The following DRG1 variants were observed in gnomAD, a reference collection of about 807,000 sequenced individuals.
DRG1 encodes the protein developmentally-regulated GTP-binding protein 1.
A neutral mutation model predicts 38.8 loss-of-function variants in DRG1; 19 were observed. The ratio of observed to expected loss-of-function variants is 0.49; its 90% CI spans 0.34 to 0.72. The LOEUF (loss-of-function observed/expected upper bound fraction) is 0.72. DRG1 is among the 30% of genes least tolerant of loss of function. The probability of loss-of-function intolerance (pLI) is 0.01; values close to 1 mark genes in which losing one functional copy is unlikely to be tolerated. For synonymous variants in DRG1, 167 were observed against 157.5 expected, an observed-to-expected ratio of 1.06 and a Z score of -0.45; for missense variants, 299 against 444.8, an observed-to-expected ratio of 0.67 and a Z score of 2.95.
intron 5 of DRG1, 114 bp downstream of exon 5, chr22:31,420,539 G>T (rs2050071307): frequency 2.1e-5 from 27 of 1,262,358 alleles, no homozygotes; most frequent in Non-Finnish European, 2.9e-5. Context: ...TGCACTAATT[G>T]AGATAACACA....
chr22:31,400,406 T>G (rs773003131), intron 1 of DRG1, among the ~76,000 whole-genome samples: 58 of 152,218 alleles, frequency 3.8e-4, no homozygotes, highest in Non-Finnish European at 6.5e-4. Context: ...GGGCACTAAT[T>G]GGAATGACCT....
At chr22:31,427,812 C>T (rs1601535164) in intron 8 of DRG1, among the ~76,000 whole-genome samples, 1 of 152,120 alleles carries the variant, frequency 6.6e-6, no homozygotes, top group East Asian at 1.9e-4. Context: ...TGGCTCACTG[C>T]AACTTATGCT....
rs779912812 is a variant in DRG1 at position 31,433,974 on chromosome 22, C to A, written c.*3C>A. The A allele has an allele frequency of 1.2e-6, 2 of 1,613,136 alleles. No homozygotes were observed. The highest frequency in any genetic ancestry group is 1.7e-5 in the Admixed American group (1 of 60,000). ...TCATTCAAATTGTGAAGAAGTGAAA[C>A]CTTTCCCTTTTCCCATCTGCCGGAC... On this transcript the variant is annotated 3_prime_UTR_variant, in exon 9 of 9. Transcript: ENST00000331457.
chr22:31,426,913 C>T, intron 7 of DRG1, 131 bp downstream of exon 7: 1 of 1,484,652 alleles, frequency 6.7e-7, no homozygotes, highest in African/African-American at 1.4e-5. Flanking sequence ...CTATTATCTA[C>T]TAGGTCATTA....
chr22:31,407,178 T>C (rs923805924), intron 3 of DRG1, among the ~76,000 whole-genome samples: 2 of 152,204 alleles, frequency 1.3e-5, no homozygotes, highest in African/African-American at 4.8e-5. Context: ...GTTATGGTTG[T>C]GTCTGTAGGG....
At chr22:31,407,369 C>T (rs1395329948) in intron 3 of DRG1, among the ~76,000 whole-genome samples, 1 of 152,168 alleles carries the variant, frequency 6.6e-6, no homozygotes, top group Non-Finnish European at 1.5e-5. Context: ...CTCGCTCTGT[C>T]ACCCAGGCTG....
chr22:31,408,590 A>C (rs1052526689), intron 3 of DRG1, among the ~76,000 whole-genome samples: 12 of 151,834 alleles, frequency 7.9e-5, no homozygotes, highest in African/African-American at 2.9e-4. Context: ...TCTACTAAAA[A>C]TACATAAAAA....
In DRG1 at chr22:31,410,284, G is replaced by A. The variant is rs576152790; in HGVS notation, c.343-728G>A. Among the ~76,000 whole-genome samples the A allele has an allele frequency of 1.3e-4, 19 of 150,542 alleles. No homozygotes were observed. The South Asian group carries it at 3.4e-3, about 27-fold the overall frequency. ...AGCCTGGCCAATATGGTGAAACCCC[G>A]TCCCTACTAAAAATACAAAAATTAG... On this transcript the variant is annotated intron_variant, in intron 3 of 8. Transcript: ENST00000331457.
chr22:31,399,945 A>C, intron 1 of DRG1, among the ~76,000 whole-genome samples: 1 of 149,652 alleles, frequency 6.7e-6, no homozygotes, highest in Admixed American at 6.7e-5. Flanking sequence ...ACGCTCTCGG[A>C]CTCCCCTTTG....
At chr22:31,414,946 AT>A (rs2050036257) in intron 4 of DRG1, among the ~76,000 whole-genome samples, 1 of 151,492 alleles carries the variant, frequency 6.6e-6, no homozygotes, top group South Asian at 2.1e-4. Context: ...ATACCCGCTA[AT>A]TTTTTACTTT....
intron 8 of DRG1, 152 bp downstream of exon 8, chr22:31,427,334 C>T: frequency 9.1e-7 from 1 of 1,093,628 alleles, no homozygotes; most frequent in Non-Finnish European, 1.3e-6. Context: ...CTTCTTAAAA[C>T]CGTGCCTAAT....
intron 3 of DRG1, among the ~76,000 whole-genome samples, chr22:31,405,723 C>G (rs1229720666): frequency 2.6e-5 from 4 of 151,156 alleles, no homozygotes; most frequent in Admixed American, 2.0e-4. Flanking sequence ...GAGTCTTACT[C>G]TGTTGCCCAG....
intron 8 of DRG1, among the ~76,000 whole-genome samples, chr22:31,431,686 A>C (rs2145873179): frequency 6.6e-6 from 1 of 152,230 alleles, no homozygotes; most frequent in African/African-American, 2.4e-5. Context: ...CAACCAAAGA[A>C]AGAAAAAACT....
intron 8 of DRG1, among the ~76,000 whole-genome samples, chr22:31,431,592 G>A (rs1021435041): frequency 6.6e-6 from 1 of 152,104 alleles, no homozygotes; most frequent in African/African-American, 2.4e-5. Context: ...AGCCCAGGAG[G>A]TTGACATTGC....
At chr22:31,405,523 T>G (rs2049984712) in intron 3 of DRG1, among the ~76,000 whole-genome samples, 1 of 152,026 alleles carries the variant, frequency 6.6e-6, no homozygotes, top group Admixed American at 6.6e-5. Context: ...GCCCTTGCCC[T>G]TTTTCCCTCA....
At chr22:31,418,869 G>A (rs900279369) in intron 4 of DRG1, among the ~76,000 whole-genome samples, 19 of 152,138 alleles carry the variant, frequency 1.2e-4, no homozygotes, top group African/African-American at 4.1e-4. Context: ...TTTTAGTAGA[G>A]ATGGGGTTTT....
chr22:31,410,190 C>T lies in DRG1; in HGVS notation c.343-822C>T, dbSNP rs1264237753. On this transcript the variant is annotated intron_variant, in intron 3 of 8. Coordinates refer to ENST00000331457, the MANE Select transcript of DRG1 (RefSeq NM_004147.4). ...AAAAAGCCCGGCCTAGGTGCAGTGG[C>T]TCATGCCTGTAATCCCAGCACTTTG... Among the ~76,000 whole-genome samples, 3 of 152,132 alleles carry T rather than the reference C, an allele frequency of 2.0e-5. No individual in the cohort carries two copies. In the South Asian group the frequency reaches 6.2e-4, roughly 31 times the overall value.
chr22:31,423,869 T>C (rs1237850063), intron 6 of DRG1, among the ~76,000 whole-genome samples: 1 of 148,530 alleles, frequency 6.7e-6, no homozygotes, highest in Non-Finnish European at 1.5e-5. Context: ...GTTTCTTTTT[T>C]TTTTTTTTTT....
At chr22:31,427,210 C>G in intron 8 of DRG1, 28 bp downstream of exon 8, 1 of 1,609,596 alleles carries the variant, frequency 6.2e-7, no homozygotes. Context: ...GTGGTCCCTC[C>G]TTTTTCCTAT....
Sources: allele counts gnomAD v4.1 joint callset (sites outside exome capture counted in the v4.1 genomes callset), GRCh38; gene constraint gnomAD v4.1.1; transcripts MANE v1.5; gene names NCBI Gene and HGNC (gene_info 2026-07-23, HGNC 2026-07-21).